TENM4: variants seen among roughly 807,000 people sequenced by gnomAD.
TENM4 encodes teneurin-4.
TENM4 carries 82 observed loss-of-function variants against 243.3 expected under a neutral mutation model. The ratio of observed to expected loss-of-function variants is 0.34; its 90% confidence interval spans 0.28 to 0.40. TENM4 has a LOEUF of 0.40. TENM4 is among the 10% of genes least tolerant of loss of function. TENM4 has a pLI of 1.00. For missense variants in TENM4, 3,138 were observed against 3,673.3 expected (o/e 0.85, Z 3.77); for synonymous variants, 1,412 against 1,456.3 (o/e 0.97, Z 0.69).
At chr11:79,362,950 C>T (rs1857615845) in intron 1 of TENM4, among the ~76,000 whole-genome samples, 1 of 152,172 alleles carries the variant, frequency 6.6e-6, no homozygotes, top group Admixed American at 6.6e-5. Flanking sequence ...TCTAAGATGT[C>T]AGCAGTGGCA....
At position 78,658,696 on chromosome 11, in the gene TENM4, T is replaced by G; in HGVS notation, c.7672A>C (p.Lys2558Gln). 1 of 1,613,984 alleles carries G rather than the reference T, an allele frequency of 6.2e-7. No individual in the cohort carries two copies. The highest frequency in any genetic ancestry group is 8.5e-7 in the Non-Finnish European group (1 of 1,179,884). The change falls in exon 34 of 34, where the codon AAG becomes CAG. Residue 2558 changes from lysine to glutamine, a missense_variant. Lys to Gln is a moderately conservative substitution (Grantham distance 53). Around this residue, in one of 2 missense-constraint regions of TENM4, gnomAD observed 2,467 missense variants for 3,059.1 expected, o/e 0.81. Coordinates refer to ENST00000278550, the MANE Select transcript of TENM4 (RefSeq NM_001098816.3). ...TSCQQAPKTKKFASSGSVFGK... is the reference protein window; with the variant it reads ...TSCQQAPKTKQFASSGSVFGK... ...AAGACTGAGCCGCTGGATGCAAACTTCTTGGTCTTTGGAGCCTGCTGGCAG... is the reference window on the plus strand; with the variant it reads ...AAGACTGAGCCGCTGGATGCAAACTGCTTGGTCTTTGGAGCCTGCTGGCAG...
chr11:78,841,862 A>C (rs1004445364), intron 12 of TENM4, among the ~76,000 whole-genome samples: 28 of 152,042 alleles, frequency 1.8e-4, no homozygotes, highest in African/African-American at 6.0e-4. Context: ...AATGGGTGGA[A>C]ACTGCTCCCA....
rs916867678 is a variant in TENM4, at chr11:79,438,133, G to A, written c.-321+2376C>T. 6.6e-6 allele frequency among the ~76,000 whole-genome samples: 1 copy of A among 152,108 alleles called. No homozygotes were observed. The highest frequency in any genetic ancestry group is 1.5e-5 in the Non-Finnish European group (1 of 68,032). On this transcript the variant is annotated intron_variant, in intron 1 of 33. Transcript: ENST00000278550. The surrounding 1 kb of genome is among the most constrained non-coding windows in gnomAD (Gnocchi z 4.1). ...CAAAAACAAAACACTCCCCACCCAT[G>A]CACATCACCATCTCCTGACTGCGGG...
intron 1 of TENM4, among the ~76,000 whole-genome samples, chr11:79,316,950 AT>A (rs1377597193): frequency 1.3e-5 from 2 of 152,120 alleles, no homozygotes; most frequent in Non-Finnish European, 2.9e-5. Flanking sequence ...TGACTCTGTG[AT>A]TTTTCTTCCT....
At chr11:79,321,850 A>G (rs1191828294) in intron 1 of TENM4, among the ~76,000 whole-genome samples, 1 of 152,166 alleles carries the variant, frequency 6.6e-6, no homozygotes, top group East Asian at 1.9e-4. Flanking sequence ...ATCTCACATT[A>G]TCAATGACTG....
intron 20 of TENM4, 124 bp from the exon 21 acceptor site, chr11:78,732,701 G>A (rs138529984): frequency 8.7e-7 from 1 of 1,145,172 alleles, no homozygotes; most frequent in Non-Finnish European, 1.2e-6. Flanking sequence ...TCTTGAGGGA[G>A]GCTCTAATGC....
intron 7 of TENM4, among the ~76,000 whole-genome samples, chr11:78,898,255 T>C (rs1565429344): frequency 6.6e-6 from 1 of 152,218 alleles, no homozygotes; most frequent in East Asian, 1.9e-4. Context: ...AAGGAGCACA[T>C]TTACCAAAGC....
intron 6 of TENM4, among the ~76,000 whole-genome samples, chr11:78,959,743 C>T (rs1209950953): frequency 6.6e-6 from 1 of 152,188 alleles, no homozygotes; most frequent in Non-Finnish European, 1.5e-5. Flanking sequence ...CAGCTGCAGG[C>T]TAAAGTCCCC....
intron 26 of TENM4, 55 bp from the exon 27 acceptor site, chr11:78,708,570 C>T (rs1859315397): frequency 6.3e-7 from 1 of 1,586,058 alleles, no homozygotes; most frequent in Middle Eastern, 1.7e-4. Flanking sequence ...CAATGACCCG[C>T]ACATTCCTGG....
At chr11:79,203,423 A>T (rs2135195699) in intron 3 of TENM4, among the ~76,000 whole-genome samples, 1 of 152,382 alleles carries the variant, frequency 6.6e-6, no homozygotes, top group Admixed American at 6.5e-5. Flanking sequence ...GGAATATTGT[A>T]GTTTTCTCCC....
chr11:78,917,768 G>T (rs1271314964), intron 6 of TENM4, among the ~76,000 whole-genome samples: 2 of 152,178 alleles, frequency 1.3e-5, no homozygotes, highest in Non-Finnish European at 2.9e-5. Context: ...CTCGGACATA[G>T]GTTTAAGAGG....
chr11:79,373,116 G>C (rs1857818623), intron 1 of TENM4, among the ~76,000 whole-genome samples: 2 of 152,124 alleles, frequency 1.3e-5, no homozygotes, highest in Non-Finnish European at 2.9e-5. Context: ...AAAGAATCTT[G>C]TCTTTTTCAC....
At chr11:78,942,817 A>G (rs1856930960) in intron 6 of TENM4, among the ~76,000 whole-genome samples, 1 of 151,154 alleles carries the variant, frequency 6.6e-6, no homozygotes, top group Non-Finnish European at 1.5e-5. Context: ...GACAGACAAA[A>G]AAAAAAAAAA....
chr11:78,869,860 A>G (rs995060634), intron 9 of TENM4, among the ~76,000 whole-genome samples: 1 of 152,184 alleles, frequency 6.6e-6, no homozygotes, highest in Non-Finnish European at 1.5e-5. Context: ...GCATAGCTAG[A>G]TTTGCTCTTT....
chr11:78,787,881 C>T (rs1856972567), intron 15 of TENM4, among the ~76,000 whole-genome samples: 1 of 152,200 alleles, frequency 6.6e-6, no homozygotes, highest in African/African-American at 2.4e-5. Flanking sequence ...ACAAGCCCCT[C>T]AGGCTCCAGG....
intron 1 of TENM4, among the ~76,000 whole-genome samples, chr11:79,300,049 C>G (rs1856525838): frequency 6.6e-6 from 1 of 152,210 alleles, no homozygotes; most frequent in South Asian, 2.1e-4. Flanking sequence ...GCTTCTCCCA[C>G]CAACCTGAGT....
intron 7 of TENM4, among the ~76,000 whole-genome samples, chr11:78,895,966 G>A (rs1855783860): frequency 6.6e-6 from 1 of 152,180 alleles, no homozygotes; most frequent in African/African-American, 2.4e-5. Context: ...AGCATGTGGG[G>A]AGGCCTTGGA....
At chr11:79,146,191 T>C (rs185159331) in intron 4 of TENM4, among the ~76,000 whole-genome samples, 2 of 152,222 alleles carry the variant, frequency 1.3e-5, no homozygotes, top group East Asian at 1.9e-4. Context: ...CACCCTGTGA[T>C]ACACAATTAT....
chr11:78,706,589 T>A (rs1195275108), intron 27 of TENM4, among the ~76,000 whole-genome samples: 1 of 152,230 alleles, frequency 6.6e-6, no homozygotes, highest in East Asian at 1.9e-4. Context: ...ACAAAGGTAG[T>A]GAGGGCCTTT....
Sources: allele counts gnomAD v4.1 joint callset (sites outside exome capture counted in the v4.1 genomes callset), GRCh38; gene constraint gnomAD v4.1.1; regional missense constraint gnomAD v4.1.1; non-coding constraint Gnocchi (gnomAD v3.1); transcripts MANE v1.5; gene names NCBI Gene and HGNC (gene_info 2026-07-23, HGNC 2026-07-21).